Variants in LRRC2 observed in about 807,000 individuals in gnomAD.
LRRC2 encodes the protein leucine rich repeat containing 2.
LRRC2 carries 27 observed loss-of-function variants against 40.2 expected under a neutral mutation model. The ratio of observed to expected loss-of-function variants is 0.67; its 90% CI spans 0.49 to 0.93. LRRC2 has a LOEUF of 0.93. Among genes scored for constraint, LRRC2 ranks in the 40% least tolerant of loss-of-function variants. LRRC2 has a pLI of 0.00. For synonymous variants in LRRC2, 147 were observed against 158.9 expected (o/e 0.92, Z 0.56); for missense variants, 402 against 439.6 (o/e 0.91, Z 0.76).
At chr3:46,557,363 T>C (rs1482761714) in intron 1 of LRRC2, 1 of 152,184 alleles carries the variant, frequency 6.6e-6, no homozygotes, top group African/African-American at 2.4e-5. Context: ...CCTACCCAAA[T>C]CTTATAAAAC....
At chr3:46,519,560 G>GT (rs1367227441) in intron 8 of LRRC2, among the ~76,000 whole-genome samples, 1 of 152,202 alleles carries the variant, frequency 6.6e-6, no homozygotes, top group Non-Finnish European at 1.5e-5. Context: ...CACAGCCAAA[G>GT]TTTTGTCAAA....
intron 6 of LRRC2, among the ~76,000 whole-genome samples, chr3:46,528,232 C>T (rs1246321012): frequency 4.6e-5 from 7 of 151,780 alleles, no homozygotes; most frequent in African/African-American, 1.7e-4. Flanking sequence ...CATGGGAAGG[C>T]AATCATACTA....
rs1343415993 is a variant in LRRC2 at position 46,518,180 on chromosome 3, T to TA, written c.*833dup. 1 of 152,136 alleles carries TA rather than the reference T, an allele frequency of 6.6e-6. No individual in the cohort carries two copies. The highest frequency in any genetic ancestry group is 1.5e-5 in the Non-Finnish European group (1 of 68,038). 9.4% of individuals were successfully genotyped at this position (152,136 alleles called of 1,614,324 possible). A position where few individuals can be genotyped will look rare whatever the true frequency, so the allele number is the denominator to read the frequency against. ...GTTTCTTCAAGGCCTAGATTGTACC[T>TA]ACAAGTCTCTCCTGGGAGTCTACAC... On this transcript the variant is annotated 3_prime_UTR_variant, in exon 9 of 9. Transcript: ENST00000395905.
intron 7 of LRRC2, among the ~76,000 whole-genome samples, chr3:46,522,539 C>G (rs967167589): frequency 6.6e-6 from 1 of 151,870 alleles, no homozygotes; most frequent in Admixed American, 6.6e-5. Context: ...TAGAGAGACT[C>G]CATCTCTACA....
chr3:46,563,270 CT>C (rs1464299082), intron 1 of LRRC2, among the ~76,000 whole-genome samples: 1 of 152,164 alleles, frequency 6.6e-6, no homozygotes, highest in Non-Finnish European at 1.5e-5. Flanking sequence ...GTGAGAGTCA[CT>C]TTCCAATGAG....
chr3:46,545,953 T>C (rs1704516343), intron 2 of LRRC2, among the ~76,000 whole-genome samples: 3 of 152,206 alleles, frequency 2.0e-5, no homozygotes, highest in Admixed American at 6.5e-5. Context: ...TTTAACATAT[T>C]CTATGTGATG....
At chr3:46,540,473 C>A (rs1704362497) in intron 3 of LRRC2, among the ~76,000 whole-genome samples, 1 of 143,822 alleles carries the variant, frequency 7.0e-6, no homozygotes, top group South Asian at 2.2e-4. Context: ...TGTAGTGAGC[C>A]AAAATAGCAC....
intron 8 of LRRC2, 64 bp downstream of exon 8, chr3:46,521,458 A>C (rs1703962401): frequency 8.5e-6 from 11 of 1,292,330 alleles, no homozygotes; most frequent in Non-Finnish European, 1.1e-5. Flanking sequence ...TCTATTAACA[A>C]ATGTATTACA....
intron 2 of LRRC2, among the ~76,000 whole-genome samples, chr3:46,549,242 C>T (rs1186838564): frequency 6.6e-6 from 1 of 152,150 alleles, no homozygotes; most frequent in Admixed American, 6.6e-5. Flanking sequence ...TATAATCAGG[C>T]AGGCATTAAT....
intron 5 of LRRC2, 47 bp downstream of exon 5, chr3:46,532,726 T>C: frequency 6.3e-7 from 1 of 1,590,768 alleles, no homozygotes; most frequent in South Asian, 1.1e-5. Context: ...TTCTATGTCA[T>C]AAACCAAATA....
intron 4 of LRRC2, among the ~76,000 whole-genome samples, chr3:46,534,326 TTGA>T (rs1704227168): frequency 6.6e-6 from 1 of 152,212 alleles, no homozygotes; most frequent in Non-Finnish European, 1.5e-5. Context: ...CAGTCTATCA[TTGA>T]TGGGCATTTG....
At chr3:46,536,460 G>A (rs1345931440) in intron 4 of LRRC2, among the ~76,000 whole-genome samples, 1 of 152,128 alleles carries the variant, frequency 6.6e-6, no homozygotes, top group African/African-American at 2.4e-5. Flanking sequence ...TACGGATGAA[G>A]AAACTGAAGA....
intron 4 of LRRC2, among the ~76,000 whole-genome samples, chr3:46,533,918 T>A (rs1014801166): frequency 6.6e-5 from 10 of 151,610 alleles, no homozygotes; most frequent in Non-Finnish European, 1.5e-5. Flanking sequence ...TTTTTTAATT[T>A]TTTTTGTTTT....
intron 7 of LRRC2, among the ~76,000 whole-genome samples, chr3:46,524,201 T>A (rs1254611227): frequency 1.3e-5 from 2 of 152,018 alleles, no homozygotes; most frequent in African/African-American, 4.8e-5. Context: ...GTCCCCTGAG[T>A]ATGTAGGCAG....
At chr3:46,527,279 A>G (rs1704076696) in intron 7 of LRRC2, 147 bp downstream of exon 7, 1 of 806,938 alleles carries the variant, frequency 1.2e-6, no homozygotes, top group Non-Finnish European at 1.9e-6. Context: ...TCCTGTAAAA[A>G]GTCACCAGAA....
chr3:46,539,036 T>C lies in LRRC2; in HGVS notation c.490+9A>G. The C allele has an allele frequency of 1.2e-6, 2 of 1,613,330 alleles. No individual in the cohort carries two copies. Among genetic ancestry groups the C allele is most frequent in the South Asian group, 1.1e-5 (1 of 91,016 alleles). The stretch of plus-strand genomic sequence containing the variant: ...CAGAGGCCCGAAGACCCCTGCTAAG[T>C]TGACATACCGATTTCTGCTGGAAGA... On this transcript the variant is annotated intron_variant, in intron 4 of 8. Transcript: ENST00000395905.
intron 8 of LRRC2, among the ~76,000 whole-genome samples, chr3:46,519,534 C>G (rs916058147): frequency 1.3e-5 from 2 of 152,200 alleles, no homozygotes; most frequent in Admixed American, 1.3e-4. Context: ...TTGCTGACCC[C>G]TCTTCTCTCT....
chr3:46,545,286 C>T (rs1213239914), intron 2 of LRRC2, 33 bp from the exon 3 acceptor site: 1 of 1,597,208 alleles, frequency 6.3e-7, no homozygotes, highest in South Asian at 1.1e-5. Context: ...CAGTTACTCT[C>T]CTGGGGACTG....
At chr3:46,552,547 T>C (rs1704683926) in intron 1 of LRRC2, among the ~76,000 whole-genome samples, 2 of 152,154 alleles carry the variant, frequency 1.3e-5, no homozygotes, top group South Asian at 4.1e-4. Context: ...ATCACCTCAA[T>C]TCTTCCCCTC....
Sources: allele counts gnomAD v4.1 joint callset (sites outside exome capture counted in the v4.1 genomes callset), GRCh38; gene constraint gnomAD v4.1.1; transcripts MANE v1.5; gene names NCBI Gene and HGNC (gene_info 2026-07-23, HGNC 2026-07-21).